Variants in PLXDC2 observed in about 807,000 individuals in gnomAD.
PLXDC2 encodes the protein plexin domain containing 2, also known as plexin domain-containing protein 2.
A neutral mutation model predicts 68.9 loss-of-function variants in PLXDC2; 40 were observed. That is an observed-to-expected ratio of 0.58 (90% CI 0.45 to 0.76). The LOEUF is 0.76. PLXDC2 is among the 30% of genes least tolerant of loss of function. The probability of loss-of-function intolerance (pLI) is 0.00; values close to 1 mark genes in which losing one functional copy is unlikely to be tolerated. For synonymous variants in PLXDC2, 243 were observed against 234.2 expected (o/e 1.04, Z -0.34); for missense variants, 644 against 661.9 (o/e 0.97, Z 0.30).
chr10:19,844,530 G>A lies in PLXDC2; in HGVS notation c.112+27339G>A, dbSNP rs531750082. Among the ~76,000 whole-genome samples the A allele has an allele frequency of 9.9e-5, 15 of 152,030 alleles. 1 individual carries two copies. The South Asian group carries it at 3.1e-3, about 32-fold the overall frequency. ...GAGGGATTTTCTAATGCGATGTTGA[G>A]GTCCTATAAAAGGTCACTGTCTTTT... is the stretch of plus-strand genomic sequence containing the variant. On this transcript the variant is annotated intron_variant, in intron 1 of 13. Coordinates refer to ENST00000377252, the MANE Select transcript of PLXDC2 (RefSeq NM_032812.9).
At chr10:20,271,112 A>AC (rs1417476055) in intron 13 of PLXDC2, among the ~76,000 whole-genome samples, 6 of 146,484 alleles carry the variant, frequency 4.1e-5, no homozygotes, top group Admixed American at 7.0e-5. Context: ...AGAAAAGGGG[A>AC]CCGTTTAAGA....
chr10:20,016,203 G>T (rs193245760), intron 2 of PLXDC2, among the ~76,000 whole-genome samples: 38 of 152,304 alleles, frequency 2.5e-4, no homozygotes, highest in Non-Finnish European at 4.3e-4. Flanking sequence ...CTTTGCTCAT[G>T]TTCATAAAGC....
At chr10:20,041,160 A>G (rs1007239018) in intron 2 of PLXDC2, among the ~76,000 whole-genome samples, 3 of 152,166 alleles carry the variant, frequency 2.0e-5, no homozygotes, top group Non-Finnish European at 4.4e-5. Flanking sequence ...TTTTTATTAG[A>G]GGTACATTGA....
chr10:20,108,568 G>A (rs1833520210), intron 4 of PLXDC2, among the ~76,000 whole-genome samples: 1 of 152,166 alleles, frequency 6.6e-6, no homozygotes, highest in Non-Finnish European at 1.5e-5. Context: ...TCAGTGCGTG[G>A]TGGATAAGGT....
chr10:20,261,484 T>C (rs1333074785), intron 13 of PLXDC2, among the ~76,000 whole-genome samples: 1 of 152,118 alleles, frequency 6.6e-6, no homozygotes, highest in Non-Finnish European at 1.5e-5. Flanking sequence ...TTCTAAATGT[T>C]CAGAAAAGTT....
intron 1 of PLXDC2, among the ~76,000 whole-genome samples, chr10:19,892,492 A>G (rs1412102265): frequency 6.6e-6 from 1 of 152,186 alleles, no homozygotes; most frequent in Non-Finnish European, 1.5e-5. Flanking sequence ...CTATGCAGGA[A>G]GACTTCAGAT....
At chr10:20,128,098 G>A (rs2131772987) in intron 4 of PLXDC2, among the ~76,000 whole-genome samples, 1 of 152,284 alleles carries the variant, frequency 6.6e-6, no homozygotes, top group African/African-American at 2.4e-5. Flanking sequence ...AGGCTGCCCT[G>A]CAGGGAGCAT....
At position 20,189,504 on chromosome 10, in the gene PLXDC2, T is replaced by TATAC. The variant is rs1554773611; in HGVS notation, c.1061+12096_1061+12097insTACA. ...ATATATATATATATATATATATATA[T>TATAC]ACACATACACACACATATATATACA... is the stretch of plus-strand genomic sequence containing the variant. On this transcript the variant is annotated intron_variant, in intron 9 of 13. Transcript: ENST00000377252. Among the ~76,000 whole-genome samples, 79 of 121,570 alleles carry TATAC rather than the reference T, an allele frequency of 6.5e-4. 1 individual carries two copies. Among genetic ancestry groups the TATAC allele is most frequent in the African/African-American group, 1.2e-3 (40 of 33,036 alleles). The allele number at this position is 121,570 out of a possible 152,430, so 79.8% of individuals were successfully genotyped here. A position where few individuals can be genotyped will look rare whatever the true frequency, so the allele number is the denominator to read the frequency against.
At chr10:20,062,583 A>C (rs1443556358) in intron 3 of PLXDC2, among the ~76,000 whole-genome samples, 1 of 152,208 alleles carries the variant, frequency 6.6e-6, no homozygotes, top group Non-Finnish European at 1.5e-5. Flanking sequence ...AAAGTGATTA[A>C]ATATTTAAAA....
At chr10:20,161,217 T>A (rs1260356935) in intron 6 of PLXDC2, among the ~76,000 whole-genome samples, 1 of 152,128 alleles carries the variant, frequency 6.6e-6, no homozygotes, top group African/African-American at 2.4e-5. Context: ...TCTACTGATA[T>A]GGGCTGGACC....
At chr10:20,108,908 A>G (rs1472034112) in intron 4 of PLXDC2, among the ~76,000 whole-genome samples, 2 of 152,200 alleles carry the variant, frequency 1.3e-5, no homozygotes, top group African/African-American at 4.8e-5. Flanking sequence ...TTGTGATGCA[A>G]TCAAGGGAAA....
At chr10:20,264,331 G>A (rs1161821916) in intron 13 of PLXDC2, among the ~76,000 whole-genome samples, 1 of 152,126 alleles carries the variant, frequency 6.6e-6, no homozygotes, top group Admixed American at 6.6e-5. Context: ...AAGGGTGGAA[G>A]GGAGAGGAGC....
At chr10:20,013,007 C>T (rs1338987010) in intron 2 of PLXDC2, among the ~76,000 whole-genome samples, 1 of 152,166 alleles carries the variant, frequency 6.6e-6, no homozygotes, top group East Asian at 1.9e-4. Context: ...ATGAATGTGA[C>T]AAACTATTAC....
At chr10:19,999,440 G>A (rs1179468464) in intron 1 of PLXDC2, among the ~76,000 whole-genome samples, 1 of 150,212 alleles carries the variant, frequency 6.7e-6, no homozygotes, top group Non-Finnish European at 1.5e-5. Context: ...GCCTCTGGTT[G>A]ACACCATTGC....
At chr10:20,108,511 G>A (rs1459320003) in intron 4 of PLXDC2, among the ~76,000 whole-genome samples, 1 of 152,110 alleles carries the variant, frequency 6.6e-6, no homozygotes, top group South Asian at 2.1e-4. Flanking sequence ...CAGTGGATAC[G>A]TATTATGTGG....
intron 2 of PLXDC2, among the ~76,000 whole-genome samples, chr10:20,031,518 C>T (rs1363077177): frequency 2.0e-5 from 3 of 152,164 alleles, no homozygotes; most frequent in Admixed American, 6.5e-5. Flanking sequence ...AAGTCCCAAG[C>T]CACCTCTGTT....
At chr10:19,920,747 A>G (rs550884151) in intron 1 of PLXDC2, among the ~76,000 whole-genome samples, 150 of 152,106 alleles carry the variant, frequency 9.9e-4, no homozygotes, top group African/African-American at 2.8e-3. Flanking sequence ...TTGTAGAGAC[A>G]GGGTTTCGCC....
At chr10:20,051,562 T>C (rs887129758) in intron 3 of PLXDC2, among the ~76,000 whole-genome samples, 1 of 151,660 alleles carries the variant, frequency 6.6e-6, no homozygotes, top group Non-Finnish European at 1.5e-5. Context: ...ATTTTGAATA[T>C]GTTTGGCCTC....
At chr10:19,931,000 GAGAA>G (rs1833621886) in intron 1 of PLXDC2, among the ~76,000 whole-genome samples, 1 of 152,118 alleles carries the variant, frequency 6.6e-6, no homozygotes, top group African/African-American at 2.4e-5. Context: ...AGAAAGTGGA[GAGAA>G]AGAAAGATGG....
Sources: gnomAD v4.1 joint callset for allele counts (sites outside exome capture counted in the v4.1 genomes callset) on GRCh38, gnomAD v4.1.1 for gene constraint, MANE v1.5 for transcripts, NCBI Gene and HGNC (gene_info 2026-07-23, HGNC 2026-07-21) for gene names.